Variants in AP2B1 observed in about 807,000 individuals in gnomAD.
AP2B1 encodes the protein adaptor related protein complex 2 subunit beta 1, also known as AP-2 complex subunit beta.
A neutral mutation model predicts 102.0 loss-of-function variants in AP2B1; 23 were observed. That is an observed-to-expected ratio of 0.23 (90% CI 0.16 to 0.32). The LOEUF (loss-of-function observed/expected upper bound fraction) is 0.32. AP2B1 is among the 10% of genes least tolerant of loss of function. AP2B1 has a pLI of 1.00. For missense variants in AP2B1, 541 were observed against 1,157.4 expected (o/e 0.47, Z 7.73); for synonymous variants, 381 against 421.2 (o/e 0.90, Z 1.17).
At chr17:35,666,024 A>G (rs1295101258) in intron 14 of AP2B1, among the ~76,000 whole-genome samples, 1 of 152,170 alleles carries the variant, frequency 6.6e-6, no homozygotes, top group Non-Finnish European at 1.5e-5. Flanking sequence ...TTATTCCCCT[A>G]TATAACTTCA....
At chr17:35,674,383 G>GAACATTCCATTT in intron 17 of AP2B1, 62 bp downstream of exon 17, 1 of 1,585,316 alleles carries the variant, frequency 6.3e-7, no homozygotes, top group Non-Finnish European at 8.6e-7. Context: ...ACCAACAAGA[G>GAACATTCCATTT]AACATTCCAT....
chr17:35,622,023 A>G (rs1291056857), intron 5 of AP2B1, among the ~76,000 whole-genome samples: 1 of 152,204 alleles, frequency 6.6e-6, no homozygotes, highest in Admixed American at 6.5e-5. Context: ...TAATAAGGTC[A>G]ACTAAGTATG....
At chr17:35,695,658 C>T (rs957211106) in intron 18 of AP2B1, among the ~76,000 whole-genome samples, 1 of 152,102 alleles carries the variant, frequency 6.6e-6, no homozygotes, top group African/African-American at 2.4e-5. Flanking sequence ...TTATTGGCCC[C>T]TAATCCTCTC....
At chr17:35,675,491 AT>A (rs1292384437) in intron 17 of AP2B1, among the ~76,000 whole-genome samples, 4 of 152,172 alleles carry the variant, frequency 2.6e-5, no homozygotes, top group Non-Finnish European at 5.9e-5. Flanking sequence ...GTTTCCAGCC[AT>A]TTTTGAGGAG....
chr17:35,697,363 G>A (rs1022353768), intron 18 of AP2B1, among the ~76,000 whole-genome samples: 7 of 152,146 alleles, frequency 4.6e-5, no homozygotes, highest in East Asian at 1.9e-4. Context: ...GCTAACTTAC[G>A]TCTGTATGTC....
intron 9 of AP2B1, among the ~76,000 whole-genome samples, chr17:35,634,661 T>C (rs1250933673): frequency 6.6e-6 from 1 of 152,236 alleles, no homozygotes; most frequent in East Asian, 1.9e-4. Context: ...CCATAGACTT[T>C]TAAGTTTCAT....
intron 20 of AP2B1, among the ~76,000 whole-genome samples, chr17:35,714,898 A>G (rs1314360974): frequency 1.3e-5 from 2 of 152,174 alleles, no homozygotes; most frequent in African/African-American, 4.8e-5. Context: ...TCTCACAACT[A>G]TAAGATTCCG....
intron 7 of AP2B1, 81 bp downstream of exon 7, chr17:35,626,923 G>A: frequency 3.8e-6 from 5 of 1,300,688 alleles, no homozygotes; most frequent in Non-Finnish European, 4.4e-6. Flanking sequence ...TTAGGCTAGT[G>A]TTAATCTCTT....
At chr17:35,708,329 C>T (rs1312139691) in intron 18 of AP2B1, among the ~76,000 whole-genome samples, 2 of 152,136 alleles carry the variant, frequency 1.3e-5, no homozygotes, top group African/African-American at 4.8e-5. Flanking sequence ...TCCTCCTACT[C>T]CCTCTTCTTA....
At chr17:35,604,556 G>A (rs930023690) in intron 3 of AP2B1, among the ~76,000 whole-genome samples, 17 of 125,622 alleles carry the variant, frequency 1.4e-4, no homozygotes, top group Non-Finnish European at 2.8e-4. Context: ...TCAGGAGTTC[G>A]GGACTAGCCT....
At chr17:35,622,841 T>G (rs1028999999) in intron 5 of AP2B1, among the ~76,000 whole-genome samples, 3 of 152,050 alleles carry the variant, frequency 2.0e-5, no homozygotes, top group African/African-American at 7.2e-5. Flanking sequence ...ATTTTTTATA[T>G]TTTTAGTAGA....
chr17:35,697,782 C>T (rs587697318), intron 18 of AP2B1, among the ~76,000 whole-genome samples: 2 of 152,186 alleles, frequency 1.3e-5, no homozygotes, highest in African/African-American at 4.8e-5. Context: ...GCCAACATGG[C>T]GAAACCCCAT....
chr17:35,711,813 A>G (rs2076458747), intron 20 of AP2B1, among the ~76,000 whole-genome samples: 1 of 152,104 alleles, frequency 6.6e-6, no homozygotes, highest in Non-Finnish European at 1.5e-5. Flanking sequence ...TGTAATATTC[A>G]TCTTCTGTGT....
At chr17:35,617,818 C>CT (rs1442589950) in intron 5 of AP2B1, among the ~76,000 whole-genome samples, 7 of 152,112 alleles carry the variant, frequency 4.6e-5, no homozygotes, top group African/African-American at 1.4e-4. Context: ...TTGCAGCTTG[C>CT]TTTAATGAAT....
intron 4 of AP2B1, among the ~76,000 whole-genome samples, chr17:35,606,874 T>G (rs2073694445): frequency 6.6e-6 from 1 of 152,064 alleles, no homozygotes; most frequent in African/African-American, 2.4e-5. Flanking sequence ...ATCATAGATT[T>G]AAAGAAAATA....
intron 18 of AP2B1, among the ~76,000 whole-genome samples, chr17:35,683,835 G>T (rs1203593465): frequency 6.6e-6 from 1 of 152,176 alleles, no homozygotes; most frequent in Non-Finnish European, 1.5e-5. Context: ...ATAAAGCAGA[G>T]ACCCTGGAAG....
intron 4 of AP2B1, 80 bp from the exon 5 acceptor site, chr17:35,608,062 C>A (rs1014851243): frequency 1.5e-4 from 226 of 1,531,480 alleles, no homozygotes; most frequent in Non-Finnish European, 2.0e-4. Context: ...TGAGGTAATT[C>A]TTTTGCAGCT....
At chr17:35,712,669 C>T (rs1480292149) in intron 20 of AP2B1, among the ~76,000 whole-genome samples, 2 of 151,998 alleles carry the variant, frequency 1.3e-5, no homozygotes, top group Non-Finnish European at 2.9e-5. Flanking sequence ...AGAAAAAAAG[C>T]GTTTTGTTAT....
At chr17:35,685,262 C>G (rs2075907356) in intron 18 of AP2B1, among the ~76,000 whole-genome samples, 2 of 152,206 alleles carry the variant, frequency 1.3e-5, no homozygotes, top group Non-Finnish European at 2.9e-5. Flanking sequence ...GTGAGCAGCT[C>G]TACTTAGTGT....
Sources: allele counts gnomAD v4.1 joint callset (sites outside exome capture counted in the v4.1 genomes callset), GRCh38; gene constraint gnomAD v4.1.1; transcripts MANE v1.5; gene names NCBI Gene and HGNC (gene_info 2026-07-23, HGNC 2026-07-21).